Variants in POLR1D observed in about 807,000 individuals in gnomAD.
The protein encoded by POLR1D is DNA-directed RNA polymerases I and III subunit RPAC2.
Under a neutral mutation model 10.8 loss-of-function variants are expected in POLR1D, and 8 were observed. The ratio of observed to expected loss-of-function variants is 0.74; its 90% CI spans 0.43 to 1.33. The LOEUF (loss-of-function observed/expected upper bound fraction) is 1.33. Among genes scored for constraint, POLR1D ranks in the 40% most tolerant of loss-of-function variants. The pLI, the probability that POLR1D is intolerant of heterozygous loss-of-function variation, is 0.01. For missense variants in POLR1D, 152 were observed against 161.7 expected, an observed-to-expected ratio of 0.94 and a Z score of 0.32; for synonymous variants, 54 against 57.2, an observed-to-expected ratio of 0.94 and a Z score of 0.25.
intron 2 of POLR1D, among the ~76,000 whole-genome samples, chr13:27,653,601 T>C (rs1956285610): frequency 6.6e-6 from 1 of 152,194 alleles, no homozygotes; most frequent in Non-Finnish European, 1.5e-5. Flanking sequence ...ATACTTGCAC[T>C]CTTACGTTAT....
chr13:27,657,295 C>T (rs185485318), intron 2 of POLR1D, among the ~76,000 whole-genome samples: 4 of 152,072 alleles, frequency 2.6e-5, no homozygotes, highest in Non-Finnish European at 5.9e-5. Flanking sequence ...TTTGGGAGGC[C>T]GAGGCAGGTG....
chr13:27,650,222 AT>A, intron 2 of POLR1D: 1 of 395,024 alleles, frequency 2.5e-6, no homozygotes, highest in Non-Finnish European at 4.5e-6. Context: ...CAAAGTTTTT[AT>A]TGCGGTTTCA....
At chr13:27,660,354 T>C (rs1377686135) in intron 2 of POLR1D, among the ~76,000 whole-genome samples, 1 of 152,142 alleles carries the variant, frequency 6.6e-6, no homozygotes, top group Non-Finnish European at 1.5e-5. Flanking sequence ...GAATGGAAGA[T>C]ACGCTATTTG....
At chr13:27,656,031 A>C (rs1956305760) in intron 2 of POLR1D, among the ~76,000 whole-genome samples, 1 of 152,208 alleles carries the variant, frequency 6.6e-6, no homozygotes, top group Non-Finnish European at 1.5e-5. Flanking sequence ...AAAACTAAAC[A>C]TACAAAATAT....
At chr13:27,665,999 C>A in exon 3 of POLR1D, 1 of 1,586,132 alleles carries the variant, frequency 6.3e-7, no homozygotes, top group Non-Finnish European at 8.6e-7. Context: ...CGTGCTCCTT[C>A]GGGGTGCGGT....
rs963424901 is a variant in POLR1D at position 27,637,802 on chromosome 13, T to A, written c.27-10577T>A. ...ATGGGTTTTAATACATTAAAAAAAATTTTTTTTTTTTAGAGATAGGGTCTT... is the reference window on the plus strand; with the variant it reads ...ATGGGTTTTAATACATTAAAAAAAAATTTTTTTTTTTAGAGATAGGGTCTT... On this transcript the variant is annotated intron_variant, in intron 1 of 2. Transcript: ENST00000399697. Among the ~76,000 whole-genome samples the A allele has an allele frequency of 4.6e-4, 63 of 135,906 alleles. 1 individual carries two copies. The highest frequency in any genetic ancestry group is 3.1e-3 in the East Asian group (16 of 5,096). 89.2% of individuals were successfully genotyped at this position (135,906 alleles called of 152,430 possible).
At chr13:27,627,852 A>G (rs1383217975), downstream of POLR1D, among the ~76,000 whole-genome samples, 2 of 147,916 alleles carry the variant, frequency 1.4e-5, no homozygotes, top group South Asian at 4.4e-4. Context: ...AGGAGGGCAT[A>G]CTTGTAAGAG....
chr13:27,665,403 T>G (rs1447113214), intron 2 of POLR1D: 1 of 390,754 alleles, frequency 2.6e-6, no homozygotes, highest in African/African-American at 2.0e-5. Flanking sequence ...GTTCACAGTG[T>G]GGTCAATACC....
intron 2 of POLR1D, among the ~76,000 whole-genome samples, chr13:27,661,486 C>T (rs1032707534): frequency 1.3e-5 from 2 of 152,166 alleles, no homozygotes; most frequent in Non-Finnish European, 2.9e-5. Context: ...GTCCTGTGGC[C>T]TCCTCCAGTC....
chr13:27,645,403 CT>C (rs923267311), intron 1 of POLR1D, among the ~76,000 whole-genome samples: 25 of 152,244 alleles, frequency 1.6e-4, no homozygotes, highest in African/African-American at 5.5e-4. Flanking sequence ...GTTTTGTTTG[CT>C]TTGTTCCTCT....
At chr13:27,664,091 T>C (rs1956391829) in intron 2 of POLR1D, among the ~76,000 whole-genome samples, 1 of 152,234 alleles carries the variant, frequency 6.6e-6, no homozygotes, top group African/African-American at 2.4e-5. Flanking sequence ...AAGCAACGCC[T>C]GCATTCAGTA....
intron 2 of POLR1D, chr13:27,650,237 A>C (rs182061371): frequency 1.0e-5 from 4 of 388,886 alleles, no homozygotes; most frequent in South Asian, 1.5e-4. Flanking sequence ...GGTTTCATTA[A>C]ATAGGTTTGA....
chr13:27,652,679 C>T (rs1038255572), intron 2 of POLR1D, among the ~76,000 whole-genome samples: 10 of 151,822 alleles, frequency 6.6e-5, no homozygotes, highest in African/African-American at 9.7e-5. Flanking sequence ...AGACCAGCCT[C>T]GCCAACATGG....
chr13:27,648,377 A>C lies in POLR1D; in HGVS notation c.27-2A>C, dbSNP rs1956238285. ...CTCAAATCTTTTCCTTTTTCTTATCAGGAAAGCAATAGAAGAACTGCTTAA... is the reference window on the plus strand; with the variant it reads ...CTCAAATCTTTTCCTTTTTCTTATCCGGAAAGCAATAGAAGAACTGCTTAA... On this transcript the variant is annotated splice_acceptor_variant, in intron 1 of 2. Coordinates refer to the POLR1D transcript ENST00000399697. LOFTEE classifies it high-confidence loss of function. The C allele has an allele frequency of 6.3e-7, 1 of 1,594,346 alleles. No homozygotes were observed. The highest frequency in any genetic ancestry group is 8.6e-7 in the Non-Finnish European group (1 of 1,163,018).
At chr13:27,650,213 A>T in intron 2 of POLR1D, 1 of 395,556 alleles carries the variant, frequency 2.5e-6, no homozygotes, top group Non-Finnish European at 4.5e-6. Flanking sequence ...CTCAGCATTC[A>T]AAGTTTTTAT....
intron 2 of POLR1D, among the ~76,000 whole-genome samples, chr13:27,653,522 G>A (rs1466154706): frequency 2.0e-5 from 3 of 152,140 alleles, no homozygotes; most frequent in Non-Finnish European, 2.9e-5. Flanking sequence ...TGAAAGACAC[G>A]AATTCCTGCT....
chr13:27,648,381 A>G (rs748142776), exon 2 of POLR1D: 6 of 1,600,658 alleles, frequency 3.7e-6, no homozygotes, highest in Non-Finnish European at 4.3e-6. Context: ...CTTATCAGGA[A>G]AGCAATAGAA....
At chr13:27,660,893 C>T (rs1172938020) in intron 2 of POLR1D, 1 of 152,160 alleles carries the variant, frequency 6.6e-6, no homozygotes, top group Non-Finnish European at 1.5e-5. Flanking sequence ...AATGAGGCAA[C>T]ATTGGTAATG....
At chr13:27,629,831 A>G (rs1243018094) in intron 1 of POLR1D, among the ~76,000 whole-genome samples, 3 of 152,260 alleles carry the variant, frequency 2.0e-5, no homozygotes, top group Non-Finnish European at 4.4e-5. Context: ...GGTGCCAGGT[A>G]TCTGGACTAT....
Sources: gnomAD v4.1 joint callset for allele counts (sites outside exome capture counted in the v4.1 genomes callset) on GRCh38, gnomAD v4.1.1 for gene constraint, MANE v1.5 for transcripts, NCBI Gene and HGNC (gene_info 2026-07-23, HGNC 2026-07-21) for gene names.